STXBP5L: variants seen among roughly 807,000 people sequenced by gnomAD.
STXBP5L encodes syntaxin binding protein 5L, also known as syntaxin-binding protein 5-like.
In STXBP5L, 65 loss-of-function variants were observed where a neutral mutation model predicts 144.5. The ratio of observed to expected loss-of-function variants is 0.45; its 90% CI spans 0.37 to 0.55. The LOEUF is 0.55. STXBP5L is among the 20% of genes least tolerant of loss of function. The probability of loss-of-function intolerance (pLI) is 0.00; values close to 1 mark genes in which losing one functional copy is unlikely to be tolerated. For synonymous variants in STXBP5L, 505 were observed against 469.6 expected (o/e 1.08, Z -0.97); for missense variants, 1,298 against 1,405.5 (o/e 0.92, Z 1.22).
At chr3:121,005,390 T>C (rs1225965615) in intron 3 of STXBP5L, among the ~76,000 whole-genome samples, 1 of 152,228 alleles carries the variant, frequency 6.6e-6, no homozygotes, top group Non-Finnish European at 1.5e-5. Flanking sequence ...GTGTGAACGG[T>C]GGTGATATCC....
chr3:121,047,961 G>T (rs1947640214), intron 5 of STXBP5L, among the ~76,000 whole-genome samples: 1 of 152,104 alleles, frequency 6.6e-6, no homozygotes. Flanking sequence ...GTATACTTAA[G>T]TGTCTTTTTG....
At chr3:121,134,776 G>A (rs1559784773) in intron 7 of STXBP5L, among the ~76,000 whole-genome samples, 1 of 152,136 alleles carries the variant, frequency 6.6e-6, no homozygotes, top group Non-Finnish European at 1.5e-5. Context: ...TAGTGTATAT[G>A]TGCCATATTT....
rs560911650 is a variant in STXBP5L, at chr3:121,386,190, A to G, written c.2587+4658A>G. 1.2e-4 allele frequency among the ~76,000 whole-genome samples: 18 copies of G among 152,256 alleles called. No individual in the cohort carries two copies. In the South Asian group the frequency reaches 3.7e-3, roughly 32 times the overall value. ...ATAAAGGCCTCATACACAATAGTCA[A>G]CATATATACTCCCCATTTATAGGTT... On this transcript the variant is annotated intron_variant, in intron 22 of 26. Transcript: ENST00000471454.
intron 5 of STXBP5L, among the ~76,000 whole-genome samples, chr3:121,087,386 G>A (rs149107860): frequency 6.6e-6 from 1 of 151,916 alleles, no homozygotes. Context: ...ATTTAGGGTT[G>A]CTATATCTTC....
intron 5 of STXBP5L, among the ~76,000 whole-genome samples, chr3:121,064,568 T>C (rs1250147045): frequency 6.6e-6 from 1 of 152,212 alleles, no homozygotes; most frequent in Non-Finnish European, 1.5e-5. Context: ...CAATATTGAC[T>C]CTCTGTCATT....
At chr3:121,286,815 C>T (rs537763433) in intron 19 of STXBP5L, among the ~76,000 whole-genome samples, 2 of 111,888 alleles carry the variant, frequency 1.8e-5, no homozygotes, top group Non-Finnish European at 3.7e-5. Flanking sequence ...TTTTAAGACA[C>T]GGGGTATCAA....
chr3:121,076,897 C>T (rs2042041089), intron 5 of STXBP5L, among the ~76,000 whole-genome samples: 1 of 152,112 alleles, frequency 6.6e-6, no homozygotes, highest in Admixed American at 6.5e-5. Context: ...GGTTTTGATA[C>T]TACTTAGCCC....
chr3:121,076,194 G>A (rs971402403), intron 5 of STXBP5L, among the ~76,000 whole-genome samples: 5 of 152,220 alleles, frequency 3.3e-5, no homozygotes, highest in Non-Finnish European at 5.9e-5. Flanking sequence ...ACCTAAGGCA[G>A]CCGACCTCAT....
At chr3:121,344,919 T>C (rs2044891566) in intron 20 of STXBP5L, among the ~76,000 whole-genome samples, 1 of 149,988 alleles carries the variant, frequency 6.7e-6, no homozygotes, top group Non-Finnish European at 1.5e-5. Context: ...CAAAGAAGAG[T>C]ATGTATATAA....
chr3:121,325,754 G>T (rs1273188707), intron 20 of STXBP5L, among the ~76,000 whole-genome samples: 7 of 151,862 alleles, frequency 4.6e-5, no homozygotes, highest in South Asian at 2.1e-4. Context: ...ATCAACATTT[G>T]TATAGTACTT....
At chr3:121,320,600 T>A (rs1212859084) in intron 20 of STXBP5L, among the ~76,000 whole-genome samples, 1 of 152,142 alleles carries the variant, frequency 6.6e-6, no homozygotes, top group Non-Finnish European at 1.5e-5. Context: ...GCTGTCAGTT[T>A]TTGGTAGATA....
chr3:120,982,779 C>T (rs1156505443), intron 3 of STXBP5L, among the ~76,000 whole-genome samples: 1 of 152,216 alleles, frequency 6.6e-6, no homozygotes, highest in East Asian at 1.9e-4. Flanking sequence ...AGACCCTGGA[C>T]TGATCAGGTG....
intron 3 of STXBP5L, among the ~76,000 whole-genome samples, chr3:120,957,132 A>G (rs970731521): frequency 6.6e-6 from 1 of 151,916 alleles, no homozygotes; most frequent in Non-Finnish European, 1.5e-5. Context: ...TTGATCATAC[A>G]TGTTAGGGTT....
chr3:121,377,817 G>A (rs2046227787), intron 20 of STXBP5L, among the ~76,000 whole-genome samples: 1 of 151,126 alleles, frequency 6.6e-6, no homozygotes, highest in African/African-American at 2.5e-5. Context: ...ATCCCATTAT[G>A]GGGTATATAC....
intron 3 of STXBP5L, among the ~76,000 whole-genome samples, chr3:121,014,083 C>T (rs1013765212): frequency 3.9e-5 from 6 of 151,950 alleles, no homozygotes; most frequent in African/African-American, 1.4e-4. Context: ...ATGCCTCCAG[C>T]TTTGTTCTTT....
chr3:121,211,148 T>A (rs1316437281), intron 10 of STXBP5L, among the ~76,000 whole-genome samples: 1 of 152,220 alleles, frequency 6.6e-6, no homozygotes. Flanking sequence ...GTCCTTGACA[T>A]CCCTTGTAAG....
intron 11 of STXBP5L, among the ~76,000 whole-genome samples, chr3:121,233,151 T>C (rs1157164672): frequency 6.6e-6 from 1 of 152,188 alleles, no homozygotes; most frequent in African/African-American, 2.4e-5. Context: ...TTACATTGAA[T>C]TGAAAGTAAA....
At chr3:121,169,033 T>A (rs1157264011) in intron 9 of STXBP5L, among the ~76,000 whole-genome samples, 2 of 152,126 alleles carry the variant, frequency 1.3e-5, no homozygotes, top group African/African-American at 4.8e-5. Flanking sequence ...GGGACCAATA[T>A]GCAATATTCT....
chr3:121,291,738 C>A (rs1577378826), intron 19 of STXBP5L, among the ~76,000 whole-genome samples: 1 of 151,932 alleles, frequency 6.6e-6, no homozygotes, highest in Admixed American at 6.6e-5. Flanking sequence ...AAACAGAGAG[C>A]CCAGAAATAA....
Sources: gnomAD v4.1 joint callset for allele counts (sites outside exome capture counted in the v4.1 genomes callset) on GRCh38, gnomAD v4.1.1 for gene constraint, MANE v1.5 for transcripts, NCBI Gene and HGNC (gene_info 2026-07-23, HGNC 2026-07-21) for gene names.